The following PPFIBP2 variants were observed in gnomAD, a reference collection of about 807,000 sequenced individuals.
PPFIBP2 encodes the protein PPFIB scaffold protein 2, also known as liprin-beta-2.
PPFIBP2 carries 118 observed loss-of-function variants against 118.3 expected under a neutral mutation model. The observed-to-expected ratio is 1.00, with a 90% CI of 0.86 to 1.16. The LOEUF (loss-of-function observed/expected upper bound fraction) is 1.16, where lower values mean the gene tolerates loss of function less well. Ranked by LOEUF, PPFIBP2 falls within the 50% of genes most tolerant of loss-of-function variation. The pLI is 0.00. For missense variants in PPFIBP2, 1,195 were observed against 1,073.1 expected (o/e 1.11, Z -1.59); for synonymous variants, 414 against 397.4 (o/e 1.04, Z -0.50).
rs1353251987 is a variant in PPFIBP2 at position 7,615,458 on chromosome 11, T to G, written c.618+5036T>G. ...TTAAGGCAGAGTAGCCCAGAAGTTTTGGGTACACCACACACTGAGCAGAGG... is the reference window on the plus strand; with the variant it reads ...TTAAGGCAGAGTAGCCCAGAAGTTTGGGGTACACCACACACTGAGCAGAGG... On this transcript the variant is annotated intron_variant, in intron 6 of 23. Coordinates refer to ENST00000299492, the MANE Select transcript of PPFIBP2 (RefSeq NM_003621.5). Among the ~76,000 whole-genome samples the G allele has an allele frequency of 2.6e-5, 4 of 152,172 alleles. No individual in the cohort carries two copies. The East Asian group carries it at 7.7e-4, about 29-fold the overall frequency.
At chr11:7,583,876 G>A (rs1331384338) in intron 3 of PPFIBP2, among the ~76,000 whole-genome samples, 1 of 152,220 alleles carries the variant, frequency 6.6e-6, no homozygotes, top group African/African-American at 2.4e-5. Context: ...TAGCATGTCT[G>A]TATTGGGAAG....
intron 3 of PPFIBP2, among the ~76,000 whole-genome samples, chr11:7,584,412 G>A (rs1321657932): frequency 4.6e-5 from 7 of 152,152 alleles, no homozygotes; most frequent in African/African-American, 1.7e-4. Context: ...GTCAGGATAG[G>A]CTTTCTCTTG....
At chr11:7,544,984 C>T (rs907527231) in intron 1 of PPFIBP2, among the ~76,000 whole-genome samples, 4 of 151,996 alleles carry the variant, frequency 2.6e-5, no homozygotes, top group South Asian at 2.1e-4. Flanking sequence ...TGGGAGGAAC[C>T]GATGTGGAAG....
chr11:7,651,630 C>T (rs770675380), intron 22 of PPFIBP2, 26 bp from the exon 23 acceptor site: 4 of 1,578,394 alleles, frequency 2.5e-6, no homozygotes, highest in Admixed American at 1.7e-5. Context: ...TGCTCCTGGC[C>T]AGGCTTGTCT....
rs571070923 is a variant in PPFIBP2 at position 7,653,318 on chromosome 11, G to A, written c.*100G>A. On this transcript the variant is annotated 3_prime_UTR_variant, in exon 24 of 24. Coordinates refer to ENST00000299492, the MANE Select transcript of PPFIBP2 (RefSeq NM_003621.5). ...TCACCCCCGCACGTGTGCATGACTC[G>A]CAGAGAATATTCCAGCAATTGTGTA... is the stretch of plus-strand genomic sequence containing the variant. 613 of 1,541,764 alleles carry A rather than the reference G, an allele frequency of 4.0e-4. No homozygotes were observed. Among genetic ancestry groups the A allele is most frequent in the Admixed American group, 8.9e-4 (46 of 51,668 alleles).
intron 2 of PPFIBP2, among the ~76,000 whole-genome samples, chr11:7,556,701 G>A (rs934772130): frequency 2.6e-5 from 4 of 152,012 alleles, no homozygotes; most frequent in Admixed American, 6.6e-5. Context: ...TGTATTAGTC[G>A]TCATTTGAAA....
chr11:7,559,596 G>A (rs80333274), intron 2 of PPFIBP2, among the ~76,000 whole-genome samples: 2,880 of 152,224 alleles, frequency 0.019, 42 homozygotes, highest in Non-Finnish European at 0.029. Flanking sequence ...GGGGGGTGAG[G>A]GAGGGTGTAT....
At chr11:7,590,993 T>C (rs1224532862) in intron 3 of PPFIBP2, among the ~76,000 whole-genome samples, 1 of 151,990 alleles carries the variant, frequency 6.6e-6, no homozygotes, top group Non-Finnish European at 1.5e-5. Flanking sequence ...ATTGTGCCTC[T>C]CTTTTTTTAC....
At chr11:7,665,364 C>CATG in the PPFIBP2 span, 8 of 1,438,834 alleles carry the variant, frequency 5.6e-6, no homozygotes, top group Non-Finnish European at 7.4e-6. Flanking sequence ...TTGCTGAGCA[C>CATG]GTGGAGGTGT....
chr11:7,644,937 G>A (rs1852777621), intron 17 of PPFIBP2, among the ~76,000 whole-genome samples: 1 of 142,532 alleles, frequency 7.0e-6, no homozygotes, highest in African/African-American at 2.6e-5. Flanking sequence ...TGAGGCAGGA[G>A]AATGGCGTGA....
intron 21 of PPFIBP2, among the ~76,000 whole-genome samples, chr11:7,649,964 T>C (rs1186536180): frequency 1.3e-5 from 2 of 152,012 alleles, no homozygotes; most frequent in African/African-American, 2.4e-5. Flanking sequence ...AATGGAAAGA[T>C]GGGTGTCACA....
chr11:7,565,787 G>A lies in PPFIBP2; in HGVS notation c.279+20G>A, dbSNP rs1314499167. 1 of 1,611,560 alleles carries A rather than the reference G, an allele frequency of 6.2e-7. No homozygotes were observed. Among genetic ancestry groups the A allele is most frequent in the Non-Finnish European group, 8.5e-7 (1 of 1,178,058 alleles). ...AGCTTGGTGAGTAGTCCCGTGGCCT[G>A]ATTGGGAACCACTGGGGAATGTAAT... is the stretch of plus-strand genomic sequence containing the variant. On this transcript the variant is annotated intron_variant, in intron 3 of 23. Transcript: ENST00000299492.
intron 7 of PPFIBP2, among the ~76,000 whole-genome samples, chr11:7,625,085 T>G (rs914461519): frequency 2.0e-5 from 3 of 152,206 alleles, no homozygotes; most frequent in Non-Finnish European, 2.9e-5. Flanking sequence ...CCTGTTTGTG[T>G]GCAAATATGA....
chr11:7,616,054 A>G lies in PPFIBP2; in HGVS notation c.619-4881A>G, dbSNP rs1027977042. On this transcript the variant is annotated intron_variant, in intron 6 of 23. Coordinates refer to ENST00000299492, the MANE Select transcript of PPFIBP2 (RefSeq NM_003621.5). This position sits in a 1 kb window ranked among gnomAD's most constrained non-coding sequence, Gnocchi z 5.2. ...GCAGAAAGGACATATGCTAAAGACA[A>G]AAGTGCACCTGCATGACCAGTGTCA... Among the ~76,000 whole-genome samples the G allele has an allele frequency of 6.6e-6, 1 of 152,208 alleles. No individual in the cohort carries two copies. Among genetic ancestry groups the G allele is most frequent in the African/African-American group, 2.4e-5 (1 of 41,454 alleles).
At position 7,653,101 on chromosome 11, in the gene PPFIBP2, A is replaced by G; in HGVS notation, c.2514A>G (p.Pro838=). The change falls in exon 24 of 24, where the codon CCA becomes CCG. Residue 838 remains proline, a synonymous_variant. Coordinates refer to ENST00000299492, the MANE Select transcript of PPFIBP2 (RefSeq NM_003621.5). ...ATGAATCGACGGACTACATTTGCCC[A>G]ATGGAGCCCAGTGACGGTGTCAGTG... ...KFDESTDYIC[P]MEPSDGVSDS... 6.2e-7 allele frequency: 1 copy of G among 1,614,210 alleles called. No individual in the cohort carries two copies. Among genetic ancestry groups the G allele is most frequent in the Middle Eastern group, 1.7e-4 (1 of 6,060 alleles).
intron 3 of PPFIBP2, among the ~76,000 whole-genome samples, chr11:7,575,881 A>G (rs1020386753): frequency 6.6e-6 from 1 of 152,158 alleles, no homozygotes; most frequent in Non-Finnish European, 1.5e-5. Context: ...AAGGGGCTAG[A>G]GCTCAGCGCA....
At chr11:7,538,058 C>G (rs776051517) in intron 1 of PPFIBP2, among the ~76,000 whole-genome samples, 25 of 152,100 alleles carry the variant, frequency 1.6e-4, no homozygotes, top group Non-Finnish European at 3.5e-4. Flanking sequence ...AGCGAGCATT[C>G]AACAACATCA....
downstream of PPFIBP2, chr11:7,653,795 A>C (rs1013272425): frequency 2.5e-6 from 3 of 1,195,770 alleles, no homozygotes; most frequent in African/African-American, 1.6e-5. Context: ...GTTGGGGAAA[A>C]AGAGCTGAGG....
chr11:7,541,056 G>A (rs1024034194), intron 1 of PPFIBP2, among the ~76,000 whole-genome samples: 1 of 152,212 alleles, frequency 6.6e-6, no homozygotes, highest in African/African-American at 2.4e-5. Context: ...CTACTGTGTG[G>A]CTGGTGGCCA....
Sources: gnomAD v4.1 joint callset for allele counts (sites outside exome capture counted in the v4.1 genomes callset) on GRCh38, gnomAD v4.1.1 for gene constraint, Gnocchi (gnomAD v3.1) non-coding constraint, MANE v1.5 for transcripts, NCBI Gene and HGNC (gene_info 2026-07-23, HGNC 2026-07-21) for gene names.